PRKG1: variants seen among roughly 807,000 people sequenced by gnomAD.
PRKG1 encodes the protein protein kinase cGMP-dependent 1, also known as cGMP-dependent protein kinase 1.
Under a neutral mutation model 88.1 loss-of-function variants are expected in PRKG1, and 35 were observed. That is an observed-to-expected ratio of 0.40 (90% CI 0.30 to 0.53). The LOEUF (loss-of-function observed/expected upper bound fraction) is 0.53. PRKG1 is among the 20% of genes least tolerant of loss of function. The probability of loss-of-function intolerance (pLI) is 0.59; values close to 1 mark genes in which losing one functional copy is unlikely to be tolerated. For synonymous variants in PRKG1, 303 were observed against 292.5 expected (o/e 1.04, Z -0.37); for missense variants, 540 against 839.8 (o/e 0.64, Z 4.41).
intron 10 of PRKG1, among the ~76,000 whole-genome samples, chr10:52,269,480 A>G (rs1365613882): frequency 6.6e-6 from 1 of 152,096 alleles, no homozygotes; most frequent in Non-Finnish European, 1.5e-5. Flanking sequence ...TATTTGCAGT[A>G]TCTTCATGCT....
intron 3 of PRKG1, among the ~76,000 whole-genome samples, chr10:51,476,263 A>G (rs10997716): frequency 0.24 from 36,512 of 151,976 alleles, 4,751 homozygotes; most frequent in Admixed American, 0.32. Flanking sequence ...GACGTGAGCC[A>G]GTCAATATTT....
intron 1 of PRKG1, chr10:51,148,343 G>T (rs569731408): frequency 1.2e-6 from 1 of 867,788 alleles, no homozygotes; most frequent in Admixed American, 6.2e-5. Flanking sequence ...AAATTAGTGA[G>T]TGATGTTTTT....
chr10:51,194,988 G>C (rs776248774), intron 2 of PRKG1, among the ~76,000 whole-genome samples: 2 of 152,144 alleles, frequency 1.3e-5, no homozygotes, highest in African/African-American at 4.8e-5. Context: ...TCTTGTCACT[G>C]TTGCATTGGG....
chr10:52,107,918 C>T (rs1466914573), intron 7 of PRKG1, among the ~76,000 whole-genome samples: 1 of 152,166 alleles, frequency 6.6e-6, no homozygotes, highest in Non-Finnish European at 1.5e-5. Flanking sequence ...ATCACCTAGC[C>T]TGTGCCAACA....
intron 2 of PRKG1, among the ~76,000 whole-genome samples, chr10:51,452,433 T>C (rs951787801): frequency 6.6e-6 from 1 of 152,008 alleles, no homozygotes; most frequent in Non-Finnish European, 1.5e-5. Flanking sequence ...GCGTTTGTCA[T>C]AGATGGCTTT....
intron 7 of PRKG1, among the ~76,000 whole-genome samples, chr10:52,110,384 G>A (rs1329285095): frequency 6.6e-6 from 1 of 151,966 alleles, no homozygotes; most frequent in Non-Finnish European, 1.5e-5. Context: ...TCCAGGTTGA[G>A]GATGCACGTG....
chr10:51,365,227 T>TTCG (rs1216111518), intron 2 of PRKG1, among the ~76,000 whole-genome samples: 1 of 151,904 alleles, frequency 6.6e-6, no homozygotes, highest in Non-Finnish European at 1.5e-5. Context: ...CATCATCTTC[T>TTCG]TCGTCTTGTT....
chr10:52,234,609 TAG>T (rs1319688511), intron 9 of PRKG1, among the ~76,000 whole-genome samples: 1 of 138,466 alleles, frequency 7.2e-6, no homozygotes, highest in Non-Finnish European at 1.5e-5. Flanking sequence ...AAGGGAAGTT[TAG>T]AGAAAAAAGA....
intron 1 of PRKG1, among the ~76,000 whole-genome samples, chr10:50,999,696 A>G (rs549952546): frequency 3.3e-5 from 5 of 152,338 alleles, no homozygotes; most frequent in African/African-American, 7.2e-5. Context: ...AAGCAAATCT[A>G]TAAGCCTTTG....
chr10:52,237,969 G>GAGA (rs1840735080), intron 9 of PRKG1, among the ~76,000 whole-genome samples: 1 of 128,322 alleles, frequency 7.8e-6, no homozygotes, highest in Admixed American at 8.4e-5. Context: ...TACCAAAACA[G>GAGA]AGATATAGAT....
chr10:51,007,041 C>T (rs1371161949), intron 1 of PRKG1, among the ~76,000 whole-genome samples: 4 of 150,402 alleles, frequency 2.7e-5, no homozygotes, highest in Admixed American at 6.7e-5. Flanking sequence ...CTGGTTCAAG[C>T]GATTCTCCTG....
At chr10:51,072,462 T>C (rs533046921), upstream of PRKG1, among the ~76,000 whole-genome samples, 1 of 152,278 alleles carries the variant, frequency 6.6e-6, no homozygotes, top group Non-Finnish European at 1.5e-5. Context: ...CATGGAAGCT[T>C]TTTTAGAATA....
At chr10:52,001,604 G>A (rs1903981) in intron 5 of PRKG1, among the ~76,000 whole-genome samples, 2 of 151,366 alleles carry the variant, frequency 1.3e-5, no homozygotes, top group Admixed American at 6.6e-5. Flanking sequence ...CTGTTAAGTG[G>A]TATTTAAATA....
At chr10:51,808,902 C>A (rs1307759472) in intron 4 of PRKG1, among the ~76,000 whole-genome samples, 1 of 152,122 alleles carries the variant, frequency 6.6e-6, no homozygotes, top group Non-Finnish European at 1.5e-5. Context: ...CATCCCAATG[C>A]CTTCCCAACC....
intron 3 of PRKG1, among the ~76,000 whole-genome samples, chr10:51,635,970 A>G (rs558860666): frequency 2.6e-4 from 40 of 152,322 alleles, no homozygotes; most frequent in Non-Finnish European, 2.2e-4. Context: ...CAAATTCATC[A>G]TAAAGTAAAG....
intron 4 of PRKG1, among the ~76,000 whole-genome samples, chr10:51,845,934 TTGAG>T (rs36064858): frequency 0.079 from 12,039 of 152,214 alleles, 499 homozygotes; most frequent in African/African-American, 0.088. Flanking sequence ...TTCTGTCTGA[TTGAG>T]TGTTTCTTAG....
intron 1 of PRKG1, among the ~76,000 whole-genome samples, chr10:51,132,005 G>A (rs1845578126): frequency 6.6e-6 from 1 of 151,992 alleles, no homozygotes; most frequent in Admixed American, 6.6e-5. Context: ...TTTTTACAAA[G>A]CTTAAAAGAA....
intron 5 of PRKG1, chr10:51,908,734 A>ATATT (rs563212069): frequency 3.8e-5 from 2 of 52,218 alleles, no homozygotes; most frequent in Admixed American, 2.1e-4. Context: ...TCTATATGTA[A>ATATT]TTTTTTTTTT....
chr10:52,227,848 T>C (rs1355566590), intron 9 of PRKG1, among the ~76,000 whole-genome samples: 1 of 152,184 alleles, frequency 6.6e-6, no homozygotes, highest in East Asian at 1.9e-4. Context: ...TATATTATTA[T>C]TGTCGTTCTC....
Sources: allele counts gnomAD v4.1 joint callset (sites outside exome capture counted in the v4.1 genomes callset), GRCh38; gene constraint gnomAD v4.1.1; transcripts MANE v1.5; gene names NCBI Gene and HGNC (gene_info 2026-07-23, HGNC 2026-07-21).